The following SHTN1 variants were observed in gnomAD, a reference collection of about 807,000 sequenced individuals.
SHTN1 encodes shootin 1, also known as shootin-1.
In SHTN1, 42 loss-of-function variants were observed where a neutral mutation model predicts 83.1. That is an observed-to-expected ratio of 0.51 (90% CI 0.39 to 0.65). The LOEUF (loss-of-function observed/expected upper bound fraction) is 0.65, where lower values mean the gene tolerates loss of function less well. SHTN1 is among the 30% of genes least tolerant of loss of function. SHTN1 has a pLI of 0.00. For synonymous variants in SHTN1, 224 were observed against 247.7 expected (o/e 0.90, Z 0.90); for missense variants, 622 against 737.8 (o/e 0.84, Z 1.82).
chr10:117,049,850 A>C (rs1852715957), intron 1 of SHTN1, among the ~76,000 whole-genome samples: 2 of 152,218 alleles, frequency 1.3e-5, no homozygotes, highest in Admixed American at 1.3e-4. Context: ...AATATGTGGG[A>C]CATAGCTAAA....
At chr10:117,095,062 C>T (rs1589930205) in intron 1 of SHTN1, among the ~76,000 whole-genome samples, 1 of 152,306 alleles carries the variant, frequency 6.6e-6, no homozygotes, top group Non-Finnish European at 1.5e-5. Flanking sequence ...AGGCCTCCTT[C>T]GGGCCTTGGC....
Position 116,886,370 on chromosome 10 carries a change from TCA to T in SHTN1, c.1868_1869del (p.Val623GlufsTer16), listed in dbSNP as rs1370142076. ...CAGCAGTTGGAGCTGTCTGTCTCTC[TCA>T]CGTTTTCAATGCTGTCTTCTTTGTT... Reference protein sequence around the residue: ...PENKEDSIENVRETDSSNC With the variant: ...PENKEDSIENXRETDSSNC On this transcript the variant is annotated frameshift_variant, in exon 17 of 17. Transcript: ENST00000355371. LOFTEE classifies it high-confidence loss of function. 2.6e-6 allele frequency: 4 copies of T among 1,556,256 alleles called. No individual in the cohort carries two copies. Among genetic ancestry groups the T allele is most frequent in the South Asian group, 1.2e-5 (1 of 84,774 alleles).
chr10:116,940,325 G>T, intron 9 of SHTN1, 141 bp downstream of exon 9: 2 of 712,786 alleles, frequency 2.8e-6, no homozygotes, highest in African/African-American at 1.8e-5. Flanking sequence ...TCTAAAAGGT[G>T]GTTGAAAGCA....
chr10:117,119,231 T>C (rs552474805), intron 1 of SHTN1, among the ~76,000 whole-genome samples: 2 of 152,124 alleles, frequency 1.3e-5, no homozygotes, highest in African/African-American at 4.8e-5. Context: ...AACATATGGT[T>C]TGACAATTAA....
rs1554934278 is a variant in SHTN1 at position 117,053,024 on chromosome 10, A to AAAAAAAAAG, written c.-188-4515_-188-4514insCTTTTTTTT. On this transcript the variant is annotated intron_variant, in intron 1 of 17. Transcript: ENST00000392901. ...AACAGAGCAAGACTGTGTCTCAAAAAAAAAAAGAATTAAGAATTAAGTTGG... is the reference window on the plus strand; with the variant it reads ...AACAGAGCAAGACTGTGTCTCAAAAAAAAAAAAAGAAAAAAGAATTAAGAATTAAGTTGG... Among the ~76,000 whole-genome samples, 4 of 51,368 alleles carry AAAAAAAAAG rather than the reference A, an allele frequency of 7.8e-5. 1 individual carries two copies. In the South Asian group the frequency reaches 5.5e-3, roughly 71 times the overall value. 33.7% of individuals were successfully genotyped at this position (51,368 alleles called of 152,430 possible).
intron 12 of SHTN1, among the ~76,000 whole-genome samples, chr10:116,917,004 A>T (rs1345122941): frequency 1.3e-5 from 2 of 152,214 alleles, no homozygotes; most frequent in East Asian, 3.9e-4. Context: ...TCTACCAGTA[A>T]ATGAAAGATG....
At chr10:116,940,158 G>C (rs531837848) in intron 9 of SHTN1, among the ~76,000 whole-genome samples, 1 of 152,218 alleles carries the variant, frequency 6.6e-6, no homozygotes, top group Admixed American at 6.5e-5. Flanking sequence ...TCCAAAAATT[G>C]AATTTCCAGA....
chr10:116,915,105 GTTAT>G (rs1448740098), intron 13 of SHTN1, among the ~76,000 whole-genome samples: 1 of 152,156 alleles, frequency 6.6e-6, no homozygotes, highest in Non-Finnish European at 1.5e-5. Context: ...TGTGATAATT[GTTAT>G]TTGTTTGGTG....
intron 2 of SHTN1, among the ~76,000 whole-genome samples, chr10:117,012,380 A>G (rs544261369): frequency 1.6e-4 from 25 of 152,286 alleles, no homozygotes; most frequent in African/African-American, 5.8e-4. Context: ...ATAAAGCTAC[A>G]ATAATTAAGA....
At chr10:116,978,795 C>T (rs1224797085) in intron 2 of SHTN1, among the ~76,000 whole-genome samples, 1 of 152,116 alleles carries the variant, frequency 6.6e-6, no homozygotes, top group Non-Finnish European at 1.5e-5. Flanking sequence ...GTGTATTATT[C>T]ATATAAATAG....
At chr10:116,898,645 G>A (rs1380125853) in intron 16 of SHTN1, among the ~76,000 whole-genome samples, 3 of 152,090 alleles carry the variant, frequency 2.0e-5, no homozygotes, top group South Asian at 2.1e-4. Flanking sequence ...ATAATTAACA[G>A]GACACATTTT....
At chr10:116,911,592 A>G (rs899829896) in intron 14 of SHTN1, 198 bp downstream of exon 14, 6 of 1,551,078 alleles carry the variant, frequency 3.9e-6, no homozygotes, top group Admixed American at 2.0e-5. Flanking sequence ...TAGAACAAAA[A>G]CAGCACAGTG....
intron 1 of SHTN1, among the ~76,000 whole-genome samples, chr10:117,067,603 T>A (rs575441194): frequency 9.1e-4 from 138 of 151,838 alleles, no homozygotes; most frequent in African/African-American, 3.0e-3. Context: ...TAAAAAAAAA[T>A]TTTTAAATAA....
intron 6 of SHTN1, among the ~76,000 whole-genome samples, chr10:116,951,702 T>C (rs1428665292): frequency 6.6e-6 from 1 of 152,250 alleles, no homozygotes; most frequent in Non-Finnish European, 1.5e-5. Context: ...CAGAATTTTA[T>C]TTATTAAGCT....
At chr10:116,907,407 G>A (rs1848013497) in intron 14 of SHTN1, among the ~76,000 whole-genome samples, 1 of 152,064 alleles carries the variant, frequency 6.6e-6, no homozygotes, top group Non-Finnish European at 1.5e-5. Context: ...TATTATTCAG[G>A]GCCCAGAAGA....
intron 3 of SHTN1, among the ~76,000 whole-genome samples, chr10:116,963,515 G>C (rs1850280677): frequency 6.6e-6 from 1 of 151,994 alleles, no homozygotes; most frequent in South Asian, 2.1e-4. Context: ...GTTTAAAAAA[G>C]AAAAAAGATG....
intron 9 of SHTN1, among the ~76,000 whole-genome samples, chr10:116,931,566 C>T (rs1479312051): frequency 6.6e-6 from 1 of 152,082 alleles, no homozygotes; most frequent in Non-Finnish European, 1.5e-5. Flanking sequence ...TTCTTTACAA[C>T]AGCAAAAAGT....
chr10:116,947,049 A>G (rs931437566), intron 7 of SHTN1, among the ~76,000 whole-genome samples: 1 of 152,030 alleles, frequency 6.6e-6, no homozygotes, highest in Non-Finnish European at 1.5e-5. Flanking sequence ...TGTTCTCCAT[A>G]TTTACAAAGG....
At chr10:116,929,469 T>A (rs1378430222) in intron 10 of SHTN1, among the ~76,000 whole-genome samples, 2 of 152,196 alleles carry the variant, frequency 1.3e-5, no homozygotes, top group East Asian at 1.9e-4. Context: ...ACAGTATTTT[T>A]AAAAAGTTTA....
Sources: allele counts gnomAD v4.1 joint callset (sites outside exome capture counted in the v4.1 genomes callset), GRCh38; gene constraint gnomAD v4.1.1; transcripts MANE v1.5; gene names NCBI Gene and HGNC (gene_info 2026-07-23, HGNC 2026-07-21).